The following DTD1 variants were observed in gnomAD, a reference collection of about 807,000 sequenced individuals.
DTD1 encodes the protein D-aminoacyl-tRNA deacylase 1, also known as D-tyrosyl-tRNA deacylase 1 homolog.
Under a neutral mutation model 25.6 loss-of-function variants are expected in DTD1, and 13 were observed. The observed-to-expected ratio is 0.51, with a 90% CI of 0.33 to 0.81. The LOEUF (loss-of-function observed/expected upper bound fraction) is 0.81, where lower values mean the gene tolerates loss of function less well. Among genes scored for constraint, DTD1 ranks in the 30% least tolerant of loss-of-function variants. The pLI, the probability that DTD1 is intolerant of heterozygous loss-of-function variation, is 0.02. For missense variants in DTD1, 193 were observed against 266.4 expected (o/e 0.72, Z 1.92); for synonymous variants, 110 against 103.6 (o/e 1.06, Z -0.37).
chr20:18,606,801 T>G (rs2060661007), intron 3 of DTD1, among the ~76,000 whole-genome samples: 2 of 128,460 alleles, frequency 1.6e-5, no homozygotes. Context: ...GGGGGAGGGA[T>G]AGCATTGGAA....
chr20:18,675,786 G>A (rs200811194), intron 4 of DTD1, among the ~76,000 whole-genome samples: 2 of 6,284 alleles, frequency 3.2e-4, no homozygotes, highest in Admixed American at 2.1e-3. Context: ...ACATATATAT[G>A]TGTAAATATA....
chr20:18,592,049 T>C (rs1282108097), intron 1 of DTD1, among the ~76,000 whole-genome samples: 1 of 152,252 alleles, frequency 6.6e-6, no homozygotes, highest in Non-Finnish European at 1.5e-5. Flanking sequence ...GCAGGTGGTC[T>C]CTTGCCATTG....
chr20:18,632,443 T>C (rs1398311196), intron 4 of DTD1: 1 of 985,396 alleles, frequency 1.0e-6, no homozygotes, highest in Admixed American at 6.1e-5. Flanking sequence ...TGCTGGCCTG[T>C]GCCTGGGGCC....
At chr20:18,761,947 A>C (rs6045585) in intron 5 of DTD1, among the ~76,000 whole-genome samples, 89,641 of 152,008 alleles carry the variant, frequency 0.59, 26,929 homozygotes, top group Non-Finnish European at 0.63. Flanking sequence ...CTTTTAGAAA[A>C]CTCTTAGGAA....
At chr20:18,682,361 C>T (rs2061001321) in intron 4 of DTD1, among the ~76,000 whole-genome samples, 1 of 152,204 alleles carries the variant, frequency 6.6e-6, no homozygotes, top group Non-Finnish European at 1.5e-5. Context: ...GTGTTCCTTG[C>T]TTTGAAGAAA....
intron 3 of DTD1, among the ~76,000 whole-genome samples, chr20:18,607,173 G>A (rs963070602): frequency 2.6e-5 from 4 of 152,080 alleles, no homozygotes; most frequent in African/African-American, 9.7e-5. Flanking sequence ...GGATTTTTGT[G>A]TCTGTATTAA....
intron 3 of DTD1, among the ~76,000 whole-genome samples, chr20:18,625,244 GCC>G (rs752434367): frequency 5.9e-5 from 9 of 152,210 alleles, no homozygotes; most frequent in Non-Finnish European, 7.3e-5. Context: ...CCTAGGCCTA[GCC>G]CTCAAACTGT....
intron 4 of DTD1, among the ~76,000 whole-genome samples, chr20:18,676,035 T>C (rs1177168887): frequency 6.6e-6 from 1 of 152,202 alleles, no homozygotes; most frequent in African/African-American, 2.4e-5. Flanking sequence ...ATATCATAGT[T>C]TATTTAGCGA....
At chr20:18,711,324 G>T (rs1452275205) in intron 4 of DTD1, among the ~76,000 whole-genome samples, 1 of 152,090 alleles carries the variant, frequency 6.6e-6, no homozygotes, top group African/African-American at 2.4e-5. Flanking sequence ...TGGCCTCCGG[G>T]ACTCTCAACC....
chr20:18,660,157 A>G (rs1206886890), intron 4 of DTD1, among the ~76,000 whole-genome samples: 1 of 152,134 alleles, frequency 6.6e-6, no homozygotes, highest in African/African-American at 2.4e-5. Context: ...CAGTGAGCTG[A>G]GATTGCACCA....
chr20:18,608,358 A>T (rs2060671012), intron 3 of DTD1, among the ~76,000 whole-genome samples: 1 of 138,998 alleles, frequency 7.2e-6, no homozygotes, highest in African/African-American at 2.7e-5. Context: ...TTGTCAATTG[A>T]TTTGTGCTCT....
At chr20:18,669,956 G>A (rs1399262964) in intron 4 of DTD1, among the ~76,000 whole-genome samples, 1 of 152,082 alleles carries the variant, frequency 6.6e-6, no homozygotes, top group Non-Finnish European at 1.5e-5. Flanking sequence ...TTCCCTGTAG[G>A]GATTGTCTGC....
At chr20:18,622,135 T>C (rs1255266817) in intron 3 of DTD1, among the ~76,000 whole-genome samples, 2 of 152,180 alleles carry the variant, frequency 1.3e-5, no homozygotes. Context: ...GTTACATAGG[T>C]ATACATGTGC....
At chr20:18,744,397 G>T (rs2061291396) in intron 5 of DTD1, 126 bp downstream of exon 5, 1 of 1,055,358 alleles carries the variant, frequency 9.5e-7, no homozygotes, top group Non-Finnish European at 1.3e-6. Context: ...CCTTAAATCT[G>T]CTGCCTTCCA....
chr20:18,727,090 T>C (rs1191577850), intron 4 of DTD1, among the ~76,000 whole-genome samples: 1 of 152,118 alleles, frequency 6.6e-6, no homozygotes, highest in Non-Finnish European at 1.5e-5. Flanking sequence ...GCAGGTGCTG[T>C]GGTGAGGTAG....
chr20:18,598,611 C>T (rs2060621220), intron 3 of DTD1, among the ~76,000 whole-genome samples: 1 of 151,966 alleles, frequency 6.6e-6, no homozygotes, highest in Non-Finnish European at 1.5e-5. Context: ...CATTCTCCTG[C>T]CTCAGCCTCC....
At chr20:18,685,136 C>T (rs1470819837) in intron 4 of DTD1, among the ~76,000 whole-genome samples, 1 of 152,134 alleles carries the variant, frequency 6.6e-6, no homozygotes, top group Non-Finnish European at 1.5e-5. Context: ...CTGCTAGCCT[C>T]AAGCCATCCT....
intron 4 of DTD1, among the ~76,000 whole-genome samples, chr20:18,729,880 C>T (rs1427133616): frequency 6.6e-6 from 1 of 152,078 alleles, no homozygotes; most frequent in African/African-American, 2.4e-5. Context: ...CTTCTTCCTT[C>T]TCTCTCTGAG....
At chr20:18,743,059 G>A (rs6112081) in intron 4 of DTD1, among the ~76,000 whole-genome samples, 71,979 of 152,030 alleles carry the variant, frequency 0.47, 17,801 homozygotes, top group East Asian at 0.59. Context: ...TTTCTCAGCA[G>A]GCTTTCCTGT....
Sources: gnomAD v4.1 joint callset for allele counts (sites outside exome capture counted in the v4.1 genomes callset) on GRCh38, gnomAD v4.1.1 for gene constraint, MANE v1.5 for transcripts, NCBI Gene and HGNC (gene_info 2026-07-23, HGNC 2026-07-21) for gene names.